Variants in CALN1 observed in about 807,000 individuals in gnomAD.
The protein encoded by CALN1 is calneuron 1, also known as calcium-binding protein 8.
Under a neutral mutation model 30.6 loss-of-function variants are expected in CALN1, and 17 were observed. That is an observed-to-expected ratio of 0.56 (90% CI 0.38 to 0.83). CALN1 has a LOEUF of 0.83. Ranked by LOEUF, CALN1 falls within the 40% of genes least tolerant of loss-of-function variation. The pLI, the probability that CALN1 is intolerant of heterozygous loss-of-function variation, is 0.00. For missense variants in CALN1, 291 were observed against 354.9 expected (o/e 0.82, Z 1.45); for synonymous variants, 156 against 131.4 (o/e 1.19, Z -1.28).
At chr7:71,835,384 G>A (rs1273652704) in intron 5 of CALN1, among the ~76,000 whole-genome samples, 2 of 152,156 alleles carry the variant, frequency 1.3e-5, no homozygotes, top group South Asian at 2.1e-4. Flanking sequence ...GGCGGCACGG[G>A]GTAAGTGGTA....
intron 3 of CALN1, among the ~76,000 whole-genome samples, chr7:72,247,404 C>T (rs891913739): frequency 3.3e-5 from 5 of 151,520 alleles, no homozygotes; most frequent in Admixed American, 2.0e-4. Flanking sequence ...CCCGCCACCA[C>T]GCCCAACTAA....
chr7:72,039,493 T>G (rs913305609), intron 4 of CALN1, among the ~76,000 whole-genome samples: 13 of 152,220 alleles, frequency 8.5e-5, no homozygotes, highest in African/African-American at 2.9e-4. Context: ...AATAAAAGAT[T>G]CCGTGCAGGC....
At chr7:72,239,413 A>C (rs1217230856) in intron 3 of CALN1, among the ~76,000 whole-genome samples, 1 of 152,072 alleles carries the variant, frequency 6.6e-6, no homozygotes, top group East Asian at 1.9e-4. Flanking sequence ...AAATAAATAA[A>C]TAAATAAATA....
chr7:72,302,893 CAAAAAAAAAA>C (rs71069055), intron 2 of CALN1, among the ~76,000 whole-genome samples: 3 of 48,750 alleles, frequency 6.2e-5, no homozygotes, highest in Middle Eastern at 0.029. Flanking sequence ...GTGAGGGTCT[CAAAAAAAAAA>C]AAAAAAAAAA....
At chr7:71,921,920 G>C (rs140306687) in intron 5 of CALN1, among the ~76,000 whole-genome samples, 458 of 151,450 alleles carry the variant, frequency 3.0e-3, no homozygotes, top group Non-Finnish European at 3.9e-3. Flanking sequence ...TGACTCCCCA[G>C]GTTGAGGCAG....
intron 2 of CALN1, among the ~76,000 whole-genome samples, chr7:72,384,236 G>C (rs551598226): frequency 6.6e-6 from 1 of 152,168 alleles, no homozygotes; most frequent in South Asian, 2.1e-4. Context: ...GAGAAGTGTA[G>C]TTTTTCCTTG....
intron 5 of CALN1, among the ~76,000 whole-genome samples, chr7:71,992,098 C>T (rs1798984550): frequency 6.6e-6 from 1 of 152,212 alleles, no homozygotes; most frequent in Non-Finnish European, 1.5e-5. Context: ...TCTCTGTTCA[C>T]TGTTTATCTT....
At chr7:71,875,256 A>C (rs1792180018) in intron 5 of CALN1, among the ~76,000 whole-genome samples, 1 of 151,362 alleles carries the variant, frequency 6.6e-6, no homozygotes, top group African/African-American at 2.4e-5. Context: ...AAATGCAAGG[A>C]GCCATGCAGG....
chr7:71,862,998 C>T (rs1243808620), intron 5 of CALN1, among the ~76,000 whole-genome samples: 1 of 151,518 alleles, frequency 6.6e-6, no homozygotes, highest in African/African-American at 2.4e-5. Flanking sequence ...GTGGCTCACG[C>T]CTATAATCCC....
At chr7:72,387,212 AGGAAGGAAG>A (rs1355925998) in intron 2 of CALN1, among the ~76,000 whole-genome samples, 13 of 83,008 alleles carry the variant, frequency 1.6e-4, no homozygotes, top group African/African-American at 2.2e-4. Context: ...GAGGGAGGGA[AGGAAGGAAG>A]GGAAGGAAGG....
chr7:71,907,239 A>AACACACACACAC (rs71531773), intron 5 of CALN1, among the ~76,000 whole-genome samples: 1,617 of 147,822 alleles, frequency 0.011, 20 homozygotes, highest in African/African-American at 0.031. Flanking sequence ...ATGAGGTTTA[A>AACACACACACAC]ACACACACAC....
At chr7:72,494,655 T>C in the CALN1 span, among the ~76,000 whole-genome samples, 1 of 152,006 alleles carries the variant, frequency 6.6e-6, no homozygotes. Context: ...CACTGATTGC[T>C]TGATGCCAGT....
intron 5 of CALN1, among the ~76,000 whole-genome samples, chr7:71,863,557 CAAAAAAAAAAA>C (rs71531769): frequency 0.21 from 6,858 of 32,334 alleles, 686 homozygotes; most frequent in African/African-American, 0.43. Flanking sequence ...AACTCCATCT[CAAAAAAAAAAA>C]AAAAAAAAAA....
chr7:72,113,020 G>A (rs1807686305), intron 3 of CALN1, among the ~76,000 whole-genome samples: 1 of 152,186 alleles, frequency 6.6e-6, no homozygotes. Flanking sequence ...AATTCTGGCT[G>A]CCCGGTGGGT....
intron 5 of CALN1, among the ~76,000 whole-genome samples, chr7:71,906,837 T>C (rs1270315996): frequency 2.0e-5 from 3 of 152,216 alleles, no homozygotes; most frequent in Admixed American, 6.5e-5. Flanking sequence ...GCCAAGGGTT[T>C]TGCAGTTGGG....
chr7:72,225,864 G>A (rs193044184), intron 3 of CALN1, among the ~76,000 whole-genome samples: 16 of 152,190 alleles, frequency 1.1e-4, no homozygotes, highest in African/African-American at 3.6e-4. Context: ...TTGGGAGGCC[G>A]AGGCAGGCAG....
intron 5 of CALN1, among the ~76,000 whole-genome samples, chr7:71,962,524 T>G (rs1375934114): frequency 6.6e-6 from 1 of 152,356 alleles, no homozygotes; most frequent in African/African-American, 2.4e-5. Context: ...TGCTACCGTT[T>G]GAATGGACAT....
At chr7:72,228,443 C>T (rs1482070687) in intron 3 of CALN1, among the ~76,000 whole-genome samples, 1 of 151,818 alleles carries the variant, frequency 6.6e-6, no homozygotes, top group South Asian at 2.1e-4. Flanking sequence ...GATGTGTGCA[C>T]AGCTCCGTAA....
upstream of CALN1, among the ~76,000 whole-genome samples, chr7:72,451,858 T>C (rs1808674176): frequency 6.9e-6 from 1 of 144,152 alleles, no homozygotes; most frequent in African/African-American, 2.5e-5. Context: ...AAAAAAAAAA[T>C]CAGGAGCAAC....
Sources: allele counts gnomAD v4.1 joint callset (sites outside exome capture counted in the v4.1 genomes callset), GRCh38; gene constraint gnomAD v4.1.1; transcripts MANE v1.5; gene names NCBI Gene and HGNC (gene_info 2026-07-23, HGNC 2026-07-21).